The following PEBP4 variants were observed in gnomAD, a reference collection of about 807,000 sequenced individuals.
PEBP4 encodes phosphatidylethanolamine-binding protein 4.
Under a neutral mutation model 23.9 loss-of-function variants are expected in PEBP4, and 22 were observed. That is an observed-to-expected ratio of 0.92 (90% CI 0.66 to 1.31). The LOEUF (loss-of-function observed/expected upper bound fraction) is 1.31, where lower values mean the gene tolerates loss of function less well. Ranked by LOEUF, PEBP4 falls within the 40% of genes most tolerant of loss-of-function variation. The pLI is 0.00. For missense variants in PEBP4, 324 were observed against 281.7 expected (o/e 1.15, Z -1.07); for synonymous variants, 112 against 99.3 (o/e 1.13, Z -0.76).
chr8:22,781,782 C>T (rs1467518362), intron 4 of PEBP4, among the ~76,000 whole-genome samples: 2 of 152,224 alleles, frequency 1.3e-5, no homozygotes, highest in African/African-American at 2.4e-5. Context: ...GACCCCAGCT[C>T]ACGGCTGGAG....
intron 3 of PEBP4, among the ~76,000 whole-genome samples, chr8:22,847,895 A>G (rs1444757338): frequency 6.6e-6 from 1 of 152,204 alleles, no homozygotes; most frequent in Non-Finnish European, 1.5e-5. Context: ...TGCCACTCTC[A>G]GTGGGGGTAA....
chr8:22,786,704 A>T (rs1806035591), intron 4 of PEBP4, among the ~76,000 whole-genome samples: 1 of 152,140 alleles, frequency 6.6e-6, no homozygotes, highest in Non-Finnish European at 1.5e-5. Flanking sequence ...TCAAATCTTC[A>T]TCTGAGTGAT....
intron 3 of PEBP4, among the ~76,000 whole-genome samples, chr8:22,864,140 T>C (rs1158082260): frequency 2.0e-5 from 3 of 152,238 alleles, no homozygotes; most frequent in African/African-American, 7.2e-5. Context: ...CTTTTGTTCG[T>C]GAACTGCTCT....
intron 3 of PEBP4, among the ~76,000 whole-genome samples, chr8:22,851,571 C>T (rs1355645920): frequency 6.6e-6 from 1 of 152,192 alleles, no homozygotes; most frequent in Non-Finnish European, 1.5e-5. Flanking sequence ...GGTCTTCTAA[C>T]TCATGTTGCG....
chr8:22,914,703 C>T (rs1809033240), intron 3 of PEBP4, among the ~76,000 whole-genome samples: 2 of 152,226 alleles, frequency 1.3e-5, no homozygotes, highest in South Asian at 4.1e-4. Flanking sequence ...AGGTGCCCAG[C>T]CCTGCCTTCT....
At chr8:22,715,951 C>G (rs111236718) in intron 6 of PEBP4, among the ~76,000 whole-genome samples, 2 of 152,116 alleles carry the variant, frequency 1.3e-5, no homozygotes, top group Non-Finnish European at 2.9e-5. Flanking sequence ...CTGCTGTCCC[C>G]GAGAGGCAGA....
chr8:22,928,299 A>G (rs533712875), upstream of PEBP4, among the ~76,000 whole-genome samples: 1 of 152,272 alleles, frequency 6.6e-6, no homozygotes, highest in East Asian at 1.9e-4. Context: ...CTTGTGTAGG[A>G]GGGACTGCTG....
intron 4 of PEBP4, among the ~76,000 whole-genome samples, chr8:22,731,911 G>C (rs1002230531): frequency 6.6e-6 from 1 of 151,370 alleles, no homozygotes; most frequent in Non-Finnish European, 1.5e-5. Context: ...TCCTGATCTC[G>C]TGATCCGCCC....
chr8:22,808,202 A>G (rs932842549), intron 4 of PEBP4, among the ~76,000 whole-genome samples: 4 of 151,120 alleles, frequency 2.6e-5, no homozygotes, highest in Non-Finnish European at 5.9e-5. Context: ...ACTTCCATCC[A>G]TCCACCCACC....
rs1435145174 is a variant in PEBP4 at position 22,865,384 on chromosome 8, G to A, written c.259-47649C>T. On this transcript the variant is annotated intron_variant, in intron 3 of 6. Transcript: ENST00000256404. This position sits in a 1 kb window ranked among gnomAD's most constrained non-coding sequence, Gnocchi z 6.9. Reference sequence around the variant, plus strand: ...CGGTGACGGTGGCGGTGGCGGTGGCGGCGGCGGGACCCCGGGCCTGGCTGC... The same window carrying A: ...CGGTGACGGTGGCGGTGGCGGTGGCAGCGGCGGGACCCCGGGCCTGGCTGC... Among the ~76,000 whole-genome samples, 5 of 151,770 alleles carry A rather than the reference G, an allele frequency of 3.3e-5. No individual in the cohort carries two copies. Among genetic ancestry groups the A allele is most frequent in the South Asian group, 4.2e-4 (2 of 4,806 alleles).
intron 4 of PEBP4, among the ~76,000 whole-genome samples, chr8:22,785,097 C>T (rs896721859): frequency 1.3e-5 from 2 of 152,210 alleles, no homozygotes; most frequent in African/African-American, 4.8e-5. Flanking sequence ...TTTTCCCAGG[C>T]CTAGATGCTG....
chr8:22,844,302 C>T (rs1444331366), intron 3 of PEBP4, among the ~76,000 whole-genome samples: 4 of 152,190 alleles, frequency 2.6e-5, no homozygotes, highest in Non-Finnish European at 5.9e-5. Context: ...TGCAAAGGCA[C>T]GATCTCAGCT....
At chr8:22,873,838 A>G (rs1471050610) in intron 3 of PEBP4, among the ~76,000 whole-genome samples, 1 of 151,952 alleles carries the variant, frequency 6.6e-6, no homozygotes, top group Non-Finnish European at 1.5e-5. Context: ...GGAGTCCCAG[A>G]TCTTGATCTT....
intron 3 of PEBP4, among the ~76,000 whole-genome samples, chr8:22,873,382 A>C (rs1808050565): frequency 1.3e-5 from 2 of 152,152 alleles, no homozygotes; most frequent in African/African-American, 4.8e-5. Context: ...TAACCCCAGC[A>C]CTTTGGGAGC....
At chr8:22,899,035 G>A (rs990319426) in intron 3 of PEBP4, among the ~76,000 whole-genome samples, 1 of 152,332 alleles carries the variant, frequency 6.6e-6, no homozygotes, top group South Asian at 2.1e-4. Flanking sequence ...GGTACAGCAC[G>A]GTGGTTCATT....
intron 3 of PEBP4, among the ~76,000 whole-genome samples, chr8:22,898,736 G>T (rs1460769931): frequency 6.6e-6 from 1 of 152,136 alleles, no homozygotes; most frequent in African/African-American, 2.4e-5. Context: ...CGATGACCTG[G>T]CATAGAGGAG....
At chr8:22,738,330 G>A (rs989562297) in intron 4 of PEBP4, among the ~76,000 whole-genome samples, 3 of 152,168 alleles carry the variant, frequency 2.0e-5, no homozygotes, top group Non-Finnish European at 4.4e-5. Flanking sequence ...AGTCAGAGGT[G>A]TTGTCCAGGA....
chr8:22,811,066 G>A (rs533747489), intron 4 of PEBP4, among the ~76,000 whole-genome samples: 20 of 151,886 alleles, frequency 1.3e-4, no homozygotes, highest in African/African-American at 3.1e-4. Context: ...ATTCATATCC[G>A]CACTCTCTCT....
chr8:22,838,433 A>G (rs1201085869), intron 3 of PEBP4, among the ~76,000 whole-genome samples: 1 of 152,114 alleles, frequency 6.6e-6, no homozygotes, highest in African/African-American at 2.4e-5. Flanking sequence ...CTGACACTGT[A>G]TTGCTTGCTA....
Sources: gnomAD v4.1 joint callset for allele counts (sites outside exome capture counted in the v4.1 genomes callset) on GRCh38, gnomAD v4.1.1 for gene constraint, Gnocchi (gnomAD v3.1) non-coding constraint, MANE v1.5 for transcripts, NCBI Gene and HGNC (gene_info 2026-07-23, HGNC 2026-07-21) for gene names.